Variants in INO80 observed in about 807,000 individuals in gnomAD.
INO80 encodes the protein chromatin-remodeling ATPase INO80.
Under a neutral mutation model 203.4 loss-of-function variants are expected in INO80, and 20 were observed. That is an observed-to-expected ratio of 0.10 (90% confidence interval 0.07 to 0.14). The LOEUF (loss-of-function observed/expected upper bound fraction) is 0.14, where lower values mean the gene tolerates loss of function less well. Ranked by LOEUF, INO80 falls within the 10% of genes least tolerant of loss-of-function variation. The pLI is 1.00. For missense variants in INO80, 1,419 were observed against 1,914.4 expected (o/e 0.74, Z 4.83); for synonymous variants, 726 against 685.2 (o/e 1.06, Z -0.93).
In INO80 at chr15:40,987,205, C is replaced by A. The variant is rs2043749198; in HGVS notation, c.3730-12G>T. The A allele has an allele frequency of 1.3e-6, 2 of 1,547,724 alleles. No individual in the cohort carries two copies. Among genetic ancestry groups the A allele is most frequent in the African/African-American group, 2.7e-5 (2 of 73,598 alleles). ...ACCATCCGCTGAATCTACACCAAAG[C>A]AGATCAAAATGTCACCTCCAGGCAT... On this transcript the variant is annotated splice_polypyrimidine_tract_variant and intron_variant, in intron 30 of 35. Coordinates refer to ENST00000648947, the MANE Select transcript of INO80 (RefSeq NM_017553.3).
intron 4 of INO80, among the ~76,000 whole-genome samples, chr15:41,093,317 C>G (rs1237539072): frequency 6.6e-6 from 1 of 151,800 alleles, no homozygotes; most frequent in African/African-American, 2.4e-5. Context: ...TTCAGCTACT[C>G]AGGAGGCTGA....
Position 41,074,392 on chromosome 15 carries a change from A to G in INO80, c.1305T>C (p.Val435=). 1 of 1,612,392 alleles carries G rather than the reference A, an allele frequency of 6.2e-7. No individual in the cohort carries two copies. Among genetic ancestry groups the G allele is most frequent in the Non-Finnish European group, 8.5e-7 (1 of 1,179,400 alleles). ...CACCATAATCCTCCTGTGTGATGTT[A>G]ACTACCACTCCTCCACCTATATCGA... is the stretch of plus-strand genomic sequence containing the variant. The part of the protein sequence containing the change: ...RQIDIGGGVV[V]NITQEDYDSN... The change falls in exon 10 of 36, where the codon GTT becomes GTC. Residue 435 remains valine, a synonymous_variant. Coordinates refer to ENST00000648947, the MANE Select transcript of INO80 (RefSeq NM_017553.3).
At chr15:41,032,309 T>C (rs929213970) in intron 24 of INO80, among the ~76,000 whole-genome samples, 2 of 152,320 alleles carry the variant, frequency 1.3e-5, no homozygotes, top group Non-Finnish European at 2.9e-5. Flanking sequence ...AAAGTTTCAC[T>C]TTAAATGAAA....
chr15:41,041,834 C>CTTTT (rs35077430), intron 24 of INO80, among the ~76,000 whole-genome samples: 3 of 123,734 alleles, frequency 2.4e-5, no homozygotes, highest in Admixed American at 9.1e-5. Flanking sequence ...GAAAGATTTC[C>CTTTT]TTTTTTTTTT....
At chr15:41,075,610 A>G (rs2045391203) in intron 9 of INO80, among the ~76,000 whole-genome samples, 2 of 152,176 alleles carry the variant, frequency 1.3e-5, no homozygotes, top group South Asian at 2.1e-4. Context: ...GCCTGCCAAC[A>G]TGCCCGGCTA....
intron 24 of INO80, among the ~76,000 whole-genome samples, chr15:41,037,878 G>A (rs937884433): frequency 2.0e-5 from 3 of 151,850 alleles, no homozygotes; most frequent in Non-Finnish European, 4.4e-5. Flanking sequence ...GGGACGCAGA[G>A]GTTGCAGTGA....
In INO80 at chr15:40,980,126, G is replaced by A. The variant is rs937701426; in HGVS notation, c.*97C>T. 3 of 942,672 alleles carry A rather than the reference G, an allele frequency of 3.2e-6. No individual in the cohort carries two copies. Among genetic ancestry groups the A allele is most frequent in the Middle Eastern group, 3.3e-4 (1 of 3,018 alleles). The allele number at this position is 942,672 out of a possible 1,614,324, so 58.4% of individuals were successfully genotyped here. A position where few individuals can be genotyped will look rare whatever the true frequency, so the allele number is the denominator to read the frequency against. ...CTGGACATTTCCACTTCTGACTCAG[G>A]ATGCAAGATGCTGCACGGGGCAAGC... On this transcript the variant is annotated 3_prime_UTR_variant, in exon 36 of 36. Coordinates refer to ENST00000648947, the MANE Select transcript of INO80 (RefSeq NM_017553.3).
chr15:41,106,267 C>T (rs2045879218), intron 1 of INO80, among the ~76,000 whole-genome samples: 1 of 151,684 alleles, frequency 6.6e-6, no homozygotes, highest in South Asian at 2.1e-4. Context: ...ACCTATAGTC[C>T]CAGCTACCTG....
chr15:41,113,336 G>A (rs574458728), intron 1 of INO80, among the ~76,000 whole-genome samples: 2 of 151,824 alleles, frequency 1.3e-5, no homozygotes, highest in Non-Finnish European at 1.5e-5. Context: ...GCTCAATCTC[G>A]GCTCACTGCA....
intron 26 of INO80, chr15:41,018,730 G>T (rs907833491): frequency 6.6e-6 from 1 of 152,196 alleles, no homozygotes; most frequent in African/African-American, 2.4e-5. Flanking sequence ...TCTGGGGCTG[G>T]TATTTGTTAG....
At chr15:41,036,171 A>AC (rs1397449336) in intron 24 of INO80, among the ~76,000 whole-genome samples, 3 of 149,860 alleles carry the variant, frequency 2.0e-5, no homozygotes, top group African/African-American at 4.9e-5. Flanking sequence ...AAAAAAAAAA[A>AC]AAAAAAAAAA....
intron 1 of INO80, among the ~76,000 whole-genome samples, chr15:41,100,251 T>C (rs978873993): frequency 6.6e-6 from 1 of 152,100 alleles, no homozygotes; most frequent in African/African-American, 2.4e-5. Flanking sequence ...ACTTTTTGTA[T>C]TTTTAGTACA....
chr15:41,058,757 G>A lies in INO80; in HGVS notation c.1867C>T (p.Pro623Ser), dbSNP rs2045047019. The change falls in exon 16 of 36, where the codon CCC becomes TCC. Residue 623 changes from proline (P) to serine (S), a missense_variant. Transcript: ENST00000648947. ...SQKTLYTQDAPFHVVITSYQL... is the reference protein window; with the variant it reads ...SQKTLYTQDASFHVVITSYQL... ...TAGCTGGTAATAACCACATGGAAGGGGGCATCCTGAGTGTAGAGGGTCTTC... is the reference window on the plus strand; with the variant it reads ...TAGCTGGTAATAACCACATGGAAGGAGGCATCCTGAGTGTAGAGGGTCTTC... The A allele has an allele frequency of 1.2e-6, 2 of 1,613,722 alleles. No individual in the cohort carries two copies. The highest frequency in any genetic ancestry group is 2.2e-5 in the East Asian group (1 of 44,874).
intron 16 of INO80, among the ~76,000 whole-genome samples, chr15:41,057,613 A>G (rs1366276324): frequency 6.6e-6 from 1 of 151,998 alleles, no homozygotes; most frequent in Non-Finnish European, 1.5e-5. Context: ...CCTGGCCACC[A>G]TGGCAAAACC....
At chr15:41,041,793 A>G (rs1274570163) in intron 24 of INO80, among the ~76,000 whole-genome samples, 1 of 151,158 alleles carries the variant, frequency 6.6e-6, no homozygotes, top group African/African-American at 2.4e-5. Context: ...AGAGTGGATA[A>G]TATCTAACGA....
chr15:41,050,974 C>G (rs1461751146), intron 19 of INO80, among the ~76,000 whole-genome samples: 1 of 151,568 alleles, frequency 6.6e-6, no homozygotes, highest in Non-Finnish European at 1.5e-5. Context: ...CTACTAAATA[C>G]AAAAATTAGC....
At position 41,050,120 on chromosome 15, in the gene INO80, C is replaced by T; in HGVS notation, c.2275-18G>A. The T allele has an allele frequency of 5.1e-6, 8 of 1,573,936 alleles. No individual in the cohort carries two copies. Among genetic ancestry groups the T allele is most frequent in the Non-Finnish European group, 7.0e-6 (8 of 1,150,436 alleles). On this transcript the variant is annotated intron_variant, in intron 19 of 35. Transcript: ENST00000648947. ...ATCTCAATCTAAAAATCAATAAGAA[C>T]ATTTATATTTGGAAAAGTAGTTTTT...
intron 5 of INO80, among the ~76,000 whole-genome samples, chr15:41,090,304 G>A (rs2045615980): frequency 6.6e-6 from 1 of 152,154 alleles, no homozygotes; most frequent in Non-Finnish European, 1.5e-5. Context: ...GGCTGGGGAT[G>A]GTGGCTCACG....
chr15:41,057,438 G>C (rs1358768982), intron 16 of INO80, among the ~76,000 whole-genome samples: 2 of 144,014 alleles, frequency 1.4e-5, no homozygotes, highest in Non-Finnish European at 3.0e-5. Context: ...CTGGGCAACA[G>C]AGCAAGACCC....
Sources: allele counts gnomAD v4.1 joint callset (sites outside exome capture counted in the v4.1 genomes callset), GRCh38; gene constraint gnomAD v4.1.1; transcripts MANE v1.5; gene names NCBI Gene and HGNC (gene_info 2026-07-23, HGNC 2026-07-21).